ABCA7: variants seen among roughly 807,000 people sequenced by gnomAD.
ABCA7 encodes the protein ATP binding cassette subfamily A member 7.
In ABCA7, 261 loss-of-function variants were observed where a neutral mutation model predicts 227.6. The observed-to-expected ratio is 1.15, with a 90% CI of 1.04 to 1.27. ABCA7 has a LOEUF of 1.27. Ranked by LOEUF, ABCA7 falls within the 50% of genes most tolerant of loss-of-function variation. The pLI is 0.00. For synonymous variants in ABCA7, 1,488 were observed against 1,279.7 expected (o/e 1.16, Z -3.47); for missense variants, 3,331 against 2,924.5 (o/e 1.14, Z -3.21).
rs4147921 is a variant in ABCA7, at chr19:1,062,193, T to C, written c.5592T>C (p.Ala1864=). Residue 1864 remains alanine, a synonymous_variant, in exon 42 of 47, where the codon GCT becomes GCC. Transcript: ENST00000263094. ...AGHSVAREPS[A]AHLSMGYCPQ... ...CCAGCGTGGCCCGGGAACCCAGTGC[T>C]GCGCACCTCAGCATGGGATACTGCC... The C allele has an allele frequency of 0.043, 69,039 of 1,612,252 alleles. 1,976 individuals carry two copies. Among genetic ancestry groups the C allele is most frequent in the East Asian group, 0.15 (6,738 of 44,858 alleles).
chr19:1,055,394 G>T, intron 30 of ABCA7, 43 bp downstream of exon 30: 1 of 1,506,148 alleles, frequency 6.6e-7, no homozygotes, highest in Non-Finnish European at 8.8e-7. Context: ...CTATAGCATG[G>T]GTCCTTGGGT....
rs774258082 is a variant in ABCA7, at chr19:1,057,010, C to G, written c.4690C>G (p.Arg1564Gly). ...TGTCCTCATTGAGGAGCGAGTCACCCGAGCCAAGCACCTGCAGCTCATGGG... is the reference window on the plus strand; with the variant it reads ...TGTCCTCATTGAGGAGCGAGTCACCGGAGCCAAGCACCTGCAGCTCATGGG... Reference protein sequence around the residue: ...TLVLIEERVTRAKHLQLMGGL... With the variant: ...TLVLIEERVTGAKHLQLMGGL... Residue 1564 changes from arginine to glycine, a missense_variant, in exon 34 of 47, where the codon CGA (arginine) becomes GGA (glycine). Physicochemically the swap from Arg to Gly is moderately radical, Grantham distance 125 (BLOSUM62 -2). Transcript: ENST00000263094. 2.5e-6 allele frequency: 4 copies of G among 1,613,908 alleles called. No individual in the cohort carries two copies. The highest frequency in any genetic ancestry group is 1.3e-5 in the African/African-American group (1 of 75,044).
rs769541454 is a variant in ABCA7 at position 1,065,158 on chromosome 19, C to A, written c.6272C>A (p.Thr2091Lys). The change falls in exon 46 of 47, where the codon ACG becomes AAG. Residue 2091 changes from threonine to lysine, a missense_variant. Physicochemically the swap from Thr to Lys is moderately conservative, Grantham distance 78. Transcript: ENST00000263094. ...GTGGAGGACTTTTCCGTGAGCCAGACGATGCTGGAGGAGGTGATCACGGCG... is the reference window on the plus strand; with the variant it reads ...GTGGAGGACTTTTCCGTGAGCCAGAAGATGCTGGAGGAGGTGATCACGGCG... ...HGVEDFSVSQ[T>K]MLEEVFLYFS... 6.3e-7 allele frequency: 1 copy of A among 1,592,838 alleles called. No individual in the cohort carries two copies. Among genetic ancestry groups the A allele is most frequent in the South Asian group, 1.1e-5 (1 of 89,240 alleles).
Position 1,053,718 on chromosome 19 carries a change from G to A in ABCA7, c.3424-70G>A, listed in dbSNP as rs926902772. The A allele has an allele frequency of 1.4e-5, 22 of 1,562,966 alleles. 1 individual carries two copies. In the Middle Eastern group the frequency reaches 1.4e-3, roughly 97 times the overall value. On this transcript the variant is annotated intron_variant, in intron 24 of 46. Transcript: ENST00000263094. ...CTGGGGGACCCATGGTGTAGGAGGG[G>A]TGGGGGGCTCACAAGCCCCCAGTTC...
intron 30 of ABCA7, 40 bp from the exon 31 acceptor site, chr19:1,055,867 C>T (rs1599684454): frequency 6.5e-7 from 1 of 1,538,866 alleles, no homozygotes; most frequent in Non-Finnish European, 8.8e-7. Flanking sequence ...CTCTGTCCCA[C>T]ATCCCTGTCT....
Position 1,061,841 on chromosome 19 carries a change from G to A in ABCA7, c.5523G>A (p.Thr1841=), listed in dbSNP as rs767411564. The change falls in exon 41 of 47, where the codon ACG becomes ACA. Residue 1841 remains threonine (T), a synonymous_variant. Coordinates refer to ENST00000263094, the MANE Select transcript of ABCA7 (RefSeq NM_019112.4). ...AGKTSTFRMV[T]GDTLASRGEA... is the part of the protein sequence containing the mutation. ...AGACGTCCACGTTTCGCATGGTGAC[G>A]GGGGACACATTGGCCAGCAGGGGCG... 1.4e-5 allele frequency: 23 copies of A among 1,606,606 alleles called. No homozygotes were observed. The highest frequency in any genetic ancestry group is 1.7e-4 in the Middle Eastern group (1 of 6,042).
At position 1,049,406 on chromosome 19, in the gene ABCA7, G is replaced by A. The variant is rs1256636811; in HGVS notation, c.2521G>A (p.Gly841Ser). 2 of 1,608,896 alleles carry A rather than the reference G, an allele frequency of 1.2e-6. No individual in the cohort carries two copies. Among genetic ancestry groups the A allele is most frequent in the African/African-American group, 2.7e-5 (2 of 74,592 alleles). The stretch of plus-strand genomic sequence containing the variant: ...CCAGGGCCACATCACCGCCTTCCTG[G>A]GCCACAACGGGGCCGGCAAGACCAC... ...FYQGHITAFL[G>S]HNGAGKTTTL... The change falls in exon 18 of 47, where the codon GGC (glycine) becomes AGC (serine). Residue 841 changes from glycine to serine, a missense_variant. Transcript: ENST00000263094.
At position 1,056,363 on chromosome 19, in the gene ABCA7, G is replaced by A; in HGVS notation, c.4450G>A (p.Val1484Met). 1 of 1,613,374 alleles carries A rather than the reference G, an allele frequency of 6.2e-7. No individual in the cohort carries two copies. Among genetic ancestry groups the A allele is most frequent in the African/African-American group, 1.3e-5 (1 of 74,958 alleles). ...CAACAACAAAGGCTGGCACTCCATG[G>A]TGGCCTTTGTCAACCGAGCCAGCAA... Reference protein sequence around the residue: ...WFNNKGWHSMVAFVNRASNAI... With the variant: ...WFNNKGWHSMMAFVNRASNAI... The change falls in exon 33 of 47, where the codon GTG (valine) becomes ATG (methionine). Residue 1484 changes from valine to methionine, a missense_variant. By Grantham distance (21) the Val-to-Met change is conservative (BLOSUM62 1). Transcript: ENST00000263094. The surrounding 1 kb of genome is among the most constrained non-coding windows in gnomAD (Gnocchi z 4.3).
In ABCA7 at chr19:1,051,021, G is replaced by A. The variant is rs367978960; in HGVS notation, c.2653G>A (p.Val885Ile). The A allele has an allele frequency of 1.8e-5, 29 of 1,611,960 alleles. No individual in the cohort carries two copies. In the African/African-American group the frequency reaches 3.2e-4, roughly 18 times the overall value. The change falls in exon 19 of 47, where the codon GTC becomes ATC. Residue 885 changes from valine to isoleucine, a missense_variant. Transcript: ENST00000263094. ...GGCCGCCATCCGGCCCCACCTGGGC[G>A]TCTGTCCTCAGTACAACGTGCTGTT... ...SMAAIRPHLG[V>I]CPQYNVLFDM...
Position 1,041,869 on chromosome 19 carries a change from G to A in ABCA7, c.199G>A (p.Val67Met), listed in dbSNP as rs780505999. 4.4e-6 allele frequency: 7 copies of A among 1,596,816 alleles called. No individual in the cohort carries two copies. Among genetic ancestry groups the A allele is most frequent in the African/African-American group, 2.7e-5 (2 of 74,984 alleles). ...CAAGCCACTGCCATCGGCGGGCACCGTGCCCTGGCTCCAGGGTCTCATCTG... is the reference window on the plus strand; with the variant it reads ...CAAGCCACTGCCATCGGCGGGCACCATGCCCTGGCTCCAGGGTCTCATCTG... Reference protein sequence around the residue: ...PNKPLPSAGTVPWLQGLICNV... With the variant: ...PNKPLPSAGTMPWLQGLICNV... Residue 67 changes from valine (V) to methionine (M), a missense_variant, in exon 4 of 47, where the codon GTG becomes ATG. Val to Met is a conservative substitution (Grantham distance 21). Coordinates refer to ENST00000263094, the MANE Select transcript of ABCA7 (RefSeq NM_019112.4).
chr19:1,063,907 A>T, intron 44 of ABCA7, 44 bp downstream of exon 44: 1 of 1,483,296 alleles, frequency 6.7e-7, no homozygotes, highest in Non-Finnish European at 9.0e-7. Flanking sequence ...AAGGTGATCC[A>T]GGCCTGGAGA....
chr19:1,055,051 C>G (rs1305625153), intron 29 of ABCA7, 46 bp from the exon 30 acceptor site: 1 of 1,569,354 alleles, frequency 6.4e-7, no homozygotes, highest in Admixed American at 1.8e-5. Flanking sequence ...AGACCTTCAC[C>G]TTGACCCTGC....
At chr19:1,062,066 C>T (rs1196284384) in intron 41 of ABCA7, 106 bp from the exon 42 acceptor site, 3 of 1,528,472 alleles carry the variant, frequency 2.0e-6, no homozygotes, top group Non-Finnish European at 1.8e-6. Context: ...ACCCCTGTCC[C>T]TTATCAGCGT....
chr19:1,048,860 G>C (rs183712769), intron 16 of ABCA7, 35 bp from the exon 17 acceptor site: 17,037 of 1,304,482 alleles, frequency 0.013, 151 homozygotes, highest in Non-Finnish European at 0.016. Flanking sequence ...CTCCTGGGGG[G>C]TGGGCTAAGC....
rs1371674899 is a variant in ABCA7 at position 1,041,249 on chromosome 19, G to A, written c.-113G>A. ...GAGCTTCCAGGAACCCTGCGCTGTG[G>A]GATAAAGGAATGAGGTTCAGAAAGG... is the stretch of plus-strand genomic sequence containing the variant. On this transcript the variant is annotated 5_prime_UTR_variant, in exon 2 of 47. Coordinates refer to ENST00000263094, the MANE Select transcript of ABCA7 (RefSeq NM_019112.4). The A allele has an allele frequency of 9.2e-7, 1 of 1,084,174 alleles. No individual in the cohort carries two copies. 67.2% of individuals were successfully genotyped at this position (1,084,174 alleles called of 1,614,324 possible).
Position 1,046,235 on chromosome 19 carries a change from GGGACCCT to G in ABCA7, c.1454_1460del (p.Asp485AlafsTer7). On this transcript the variant is annotated frameshift_variant, in exon 13 of 47. Transcript: ENST00000263094. LOFTEE classifies it high-confidence loss of function. ...CCACCATGCCCCTCTCGCAGGTTTTGGGACCCTGGCCCAGCCGCGGACCCCCTGACCG... is the reference window on the plus strand; with the variant it reads ...CCACCATGCCCCTCTCGCAGGTTTTGGGCCCAGCCGCGGACCCCCTGACCG... 1 of 1,606,834 alleles carries G rather than the reference GGGACCCT, an allele frequency of 6.2e-7. No homozygotes were observed.
intron 13 of ABCA7, 122 bp downstream of exon 13, chr19:1,046,528 C>T (rs2040687842): frequency 2.2e-6 from 3 of 1,349,954 alleles, no homozygotes; most frequent in Non-Finnish European, 3.0e-6. Flanking sequence ...ACCTTTACAC[C>T]ACTCCACGTG....
chr19:1,055,917 AAG>A lies in ABCA7; in HGVS notation c.4218_4219del (p.Lys1407ValfsTer4), dbSNP rs781175163. ...CCATCTCTCCCACAGCCTGAAGACTAAGAAGTGGGTGAATGAGGTCAGGTGAG... is the reference window on the plus strand; with the variant it reads ...CCATCTCTCCCACAGCCTGAAGACTAAAGTGGGTGAATGAGGTCAGGTGAG... ...PRLVRQGLKT[K>X]KWVNEVRYGG... On this transcript the variant is annotated frameshift_variant, in exon 31 of 47. Coordinates refer to ENST00000263094, the MANE Select transcript of ABCA7 (RefSeq NM_019112.4). LOFTEE classifies it high-confidence loss of function. The A allele has an allele frequency of 6.3e-7, 1 of 1,594,642 alleles. No individual in the cohort carries two copies. The highest frequency in any genetic ancestry group is 8.6e-7 in the Non-Finnish European group (1 of 1,169,582).
Position 1,049,439 on chromosome 19 carries a change from T to A in ABCA7, c.2552+2T>A, listed in dbSNP as rs776119858. 2 of 1,592,004 alleles carry A rather than the reference T, an allele frequency of 1.3e-6. No individual in the cohort carries two copies. Among genetic ancestry groups the A allele is most frequent in the African/African-American group, 2.7e-5 (2 of 73,598 alleles). ...CGGGGCCGGCAAGACCACCACCCTG[T>A]GAGCCCCCAACCACTCCCTCCCCGT... On this transcript the variant is annotated splice_donor_variant, in intron 18 of 46. Transcript: ENST00000263094. LOFTEE classifies it high-confidence loss of function.
Sources: allele counts gnomAD v4.1 joint callset, GRCh38; gene constraint gnomAD v4.1.1; non-coding constraint Gnocchi (gnomAD v3.1); transcripts MANE v1.5; gene names NCBI Gene and HGNC (gene_info 2026-07-23, HGNC 2026-07-21).